The following NRG1 variants were observed in gnomAD, a reference collection of about 807,000 sequenced individuals.
NRG1 encodes the protein pro-neuregulin-1, membrane-bound isoform.
NRG1 carries 18 observed loss-of-function variants against 63.8 expected under a neutral mutation model. That is an observed-to-expected ratio of 0.28 (90% CI 0.19 to 0.42). The LOEUF is 0.42. Among genes scored for constraint, NRG1 ranks in the 10% least tolerant of loss-of-function variants. The pLI, the probability that NRG1 is intolerant of heterozygous loss-of-function variation, is 1.00. For missense variants in NRG1, 762 were observed against 814.7 expected (o/e 0.94, Z 0.79); for synonymous variants, 302 against 301.3 (o/e 1.00, Z -0.02).
At chr8:32,519,164 ATTAAAG>A (rs1205486688) in intron 1 of NRG1, among the ~76,000 whole-genome samples, 4 of 152,170 alleles carry the variant, frequency 2.6e-5, no homozygotes, top group Admixed American at 2.6e-4. Flanking sequence ...CTTGGAGTTA[ATTAAAG>A]TTAATTTAGT....
chr8:32,212,744 A>G (rs952928093), intron 1 of NRG1, among the ~76,000 whole-genome samples: 1 of 152,164 alleles, frequency 6.6e-6, no homozygotes, highest in Non-Finnish European at 1.5e-5. Context: ...CCTACTTGAA[A>G]TCAACATTCC....
intron 1 of NRG1, among the ~76,000 whole-genome samples, chr8:32,587,340 G>T (rs919109584): frequency 6.6e-6 from 1 of 152,190 alleles, no homozygotes; most frequent in African/African-American, 2.4e-5. Context: ...ACATGACCAG[G>T]GTCTCGGCTG....
intron 1 of NRG1, among the ~76,000 whole-genome samples, chr8:32,025,877 C>T (rs1202566882): frequency 7.1e-6 from 1 of 141,444 alleles, no homozygotes; most frequent in Non-Finnish European, 1.5e-5. Context: ...ACCCGGGAGG[C>T]GGAGCTTGCA....
At chr8:32,058,551 T>C (rs1292139884) in intron 1 of NRG1, among the ~76,000 whole-genome samples, 1 of 152,070 alleles carries the variant, frequency 6.6e-6, no homozygotes, top group African/African-American at 2.4e-5. Context: ...CACTCCCTAG[T>C]GAAGTGTTTT....
chr8:31,925,896 T>C (rs1834323238), intron 1 of NRG1, among the ~76,000 whole-genome samples: 1 of 152,210 alleles, frequency 6.6e-6, no homozygotes, highest in African/African-American at 2.4e-5. Flanking sequence ...TCTAAAATCC[T>C]TATGTAACTG....
chr8:32,479,528 T>C (rs1306883447), intron 1 of NRG1, among the ~76,000 whole-genome samples: 3 of 152,068 alleles, frequency 2.0e-5, no homozygotes, highest in Non-Finnish European at 1.5e-5. Flanking sequence ...GCCCAATTTA[T>C]TTGTCATAGT....
intron 1 of NRG1, among the ~76,000 whole-genome samples, chr8:31,760,387 A>G (rs1457629271): frequency 2.0e-5 from 3 of 152,160 alleles, no homozygotes; most frequent in Non-Finnish European, 4.4e-5. Flanking sequence ...GGACATAGGC[A>G]TGGGCAAGGA....
At chr8:31,894,609 G>A (rs7835782) in intron 1 of NRG1, among the ~76,000 whole-genome samples, 18,403 of 146,234 alleles carry the variant, frequency 0.13, 1,310 homozygotes, top group Admixed American at 0.19. Context: ...GGAGTGCAGT[G>A]GTGCGATCTT....
chr8:31,709,004 C>A (rs1811460275), intron 1 of NRG1, among the ~76,000 whole-genome samples: 1 of 152,150 alleles, frequency 6.6e-6, no homozygotes, highest in African/African-American at 2.4e-5. Context: ...ATTCATGACA[C>A]ACGTTTTTCT....
chr8:32,474,040 A>C (rs1020415836), intron 1 of NRG1, among the ~76,000 whole-genome samples: 3 of 152,114 alleles, frequency 2.0e-5, no homozygotes, highest in Admixed American at 2.0e-4. Flanking sequence ...CCCCATTGAG[A>C]TACCCTTCCA....
At chr8:32,769,346 G>A (rs567606850), downstream of NRG1, among the ~76,000 whole-genome samples, 1 of 152,246 alleles carries the variant, frequency 6.6e-6, no homozygotes, top group South Asian at 2.1e-4. Context: ...TGAATGTCTG[G>A]ATAATTACTA....
chr8:31,654,526 C>T (rs780579939), intron 1 of NRG1, among the ~76,000 whole-genome samples: 17 of 152,198 alleles, frequency 1.1e-4, no homozygotes, highest in Admixed American at 5.2e-4. Context: ...ATCGGCTGTT[C>T]GGCTTTGTAA....
upstream of NRG1, among the ~76,000 whole-genome samples, chr8:32,545,542 T>G (rs1333481450): frequency 6.6e-6 from 1 of 151,924 alleles, no homozygotes; most frequent in Non-Finnish European, 1.5e-5. Context: ...AGTTCCAAGG[T>G]TTTTTACAAA....
At position 32,302,063 on chromosome 8, in the gene NRG1, A is replaced by G. The variant is rs796532376; in HGVS notation, c.38-293765A>G. Among the ~76,000 whole-genome samples the G allele has an allele frequency of 2.2e-4, 34 of 152,262 alleles. 1 individual carries two copies. The highest frequency in any genetic ancestry group is 7.7e-4 in the African/African-American group (32 of 41,548). ...CTGTCTAATTTAGCATTTGTCCTGA[A>G]TATTTCATTTAGTGATGTATTATTG... On this transcript the variant is annotated intron_variant, in intron 1 of 10. Transcript: ENST00000519301.
intron 5 of NRG1, among the ~76,000 whole-genome samples, chr8:32,633,606 G>T (rs2129544535): frequency 6.6e-6 from 1 of 152,274 alleles, no homozygotes; most frequent in South Asian, 2.1e-4. Context: ...TGTGTCAACT[G>T]CACAAATAGA....
rs769505072 is a variant in NRG1 at position 32,759,468 on chromosome 8, T to A, written c.1052+32T>A. 3 of 1,607,112 alleles carry A rather than the reference T, an allele frequency of 1.9e-6. No homozygotes were observed. The South Asian group carries it at 3.3e-5, about 18-fold the overall frequency. ...GAATTTAAAAATTCCACGGCTTTTC[T>A]CTCAGAATGAATTGTTGCACATTGC... On this transcript the variant is annotated intron_variant, in intron 10 of 11. Transcript: ENST00000356819.
intron 1 of NRG1, among the ~76,000 whole-genome samples, chr8:31,918,946 G>C (rs932410850): frequency 2.0e-5 from 3 of 152,048 alleles, no homozygotes; most frequent in African/African-American, 2.4e-5. Context: ...TGTATGTGTC[G>C]AGGAATTTAT....
chr8:31,884,620 C>G (rs1461742995), intron 1 of NRG1, among the ~76,000 whole-genome samples: 2 of 152,098 alleles, frequency 1.3e-5, no homozygotes, highest in African/African-American at 2.4e-5. Flanking sequence ...AAAATGAAGC[C>G]TACAACCCTA....
At chr8:32,069,053 G>A (rs1019016748) in intron 1 of NRG1, among the ~76,000 whole-genome samples, 3 of 152,256 alleles carry the variant, frequency 2.0e-5, no homozygotes, top group South Asian at 4.1e-4. Flanking sequence ...CTTGATAGAT[G>A]GGAAGGAAAG....
Sources: gnomAD v4.1 joint callset for allele counts (sites outside exome capture counted in the v4.1 genomes callset) on GRCh38, gnomAD v4.1.1 for gene constraint, MANE v1.5 for transcripts, NCBI Gene and HGNC (gene_info 2026-07-23, HGNC 2026-07-21) for gene names.